The following MLLT3 variants were observed in gnomAD, a reference collection of about 807,000 sequenced individuals.
The protein encoded by MLLT3 is MLLT3 super elongation complex subunit, also known as protein AF-9.
In MLLT3, 4 loss-of-function variants were observed where a neutral mutation model predicts 53.2. The observed-to-expected ratio is 0.08, with a 90% CI of 0.04 to 0.17. MLLT3 has a LOEUF of 0.17. Ranked by LOEUF, MLLT3 falls within the 10% of genes least tolerant of loss-of-function variation. The probability of loss-of-function intolerance (pLI) is 1.00; values close to 1 mark genes in which losing one functional copy is unlikely to be tolerated. For missense variants in MLLT3, 569 were observed against 684.0 expected (o/e 0.83, Z 1.87); for synonymous variants, 283 against 230.6 (o/e 1.23, Z -2.06).
chr9:20,490,389 G>T lies in MLLT3; in HGVS notation c.194-33603C>A, dbSNP rs146198793. Among the ~76,000 whole-genome samples, 536 of 152,368 alleles carry T rather than the reference G, an allele frequency of 3.5e-3. 3 individuals carry two copies. The highest frequency in any genetic ancestry group is 0.011 in the African/African-American group (460 of 41,588). On this transcript the variant is annotated intron_variant, in intron 2 of 10. Coordinates refer to ENST00000380338, the MANE Select transcript of MLLT3 (RefSeq NM_004529.4). ...AGTCAGAGAGATTCTAGCATGAGAA[G>T]AATTTGTCACGCCATTGCTGGCTTT...
intron 2 of MLLT3, among the ~76,000 whole-genome samples, chr9:20,602,097 T>G (rs1341140094): frequency 6.6e-6 from 1 of 152,176 alleles, no homozygotes; most frequent in African/African-American, 2.4e-5. Flanking sequence ...CTGTGGTGGG[T>G]TCTTCCCCCT....
Position 20,599,319 on chromosome 9 carries a change from A to G in MLLT3, c.193+21335T>C, listed in dbSNP as rs895755351. Among the ~76,000 whole-genome samples the G allele has an allele frequency of 1.4e-4, 22 of 152,070 alleles. 1 individual carries two copies. The highest frequency in any genetic ancestry group is 3.9e-4 in the Admixed American group (6 of 15,260). ...ACTCTGTCTCCAAAAAAAAAAAAAA[A>G]AGAGAATTTTCTTTGAGTATCATGC... On this transcript the variant is annotated intron_variant, in intron 2 of 10. Transcript: ENST00000380338.
intron 2 of MLLT3, among the ~76,000 whole-genome samples, chr9:20,476,348 A>T (rs1182907970): frequency 2.0e-5 from 3 of 152,122 alleles, no homozygotes; most frequent in African/African-American, 7.2e-5. Context: ...ACTTGTATAC[A>T]GAGACCCTGA....
At chr9:20,439,234 T>C (rs1383543726) in intron 4 of MLLT3, among the ~76,000 whole-genome samples, 1 of 152,016 alleles carries the variant, frequency 6.6e-6, no homozygotes, top group African/African-American at 2.4e-5. Flanking sequence ...CGTACATCTG[T>C]AGTCCCAGCT....
In MLLT3 at chr9:20,521,938, A is replaced by G. The variant is rs148910236; in HGVS notation, c.194-65152T>C. ...GAATGAAGAAGAAAACAAGAAATGT[A>G]ATAGGAACTAAAGGGAGACAGCACG... is the stretch of plus-strand genomic sequence containing the variant. On this transcript the variant is annotated intron_variant, in intron 2 of 10. Coordinates refer to ENST00000380338, the MANE Select transcript of MLLT3 (RefSeq NM_004529.4). Among the ~76,000 whole-genome samples, 25 of 152,320 alleles carry G rather than the reference A, an allele frequency of 1.6e-4. No individual in the cohort carries two copies. In the Middle Eastern group the frequency reaches 0.01, roughly 62 times the overall value.
intron 2 of MLLT3, among the ~76,000 whole-genome samples, chr9:20,613,428 G>A (rs923945705): frequency 2.6e-5 from 4 of 152,192 alleles, no homozygotes; most frequent in African/African-American, 7.2e-5. Context: ...AGGGTTGGAA[G>A]AAAAGGCTGG....
At chr9:20,500,335 C>T (rs907908353) in intron 2 of MLLT3, among the ~76,000 whole-genome samples, 11 of 152,216 alleles carry the variant, frequency 7.2e-5, no homozygotes, top group African/African-American at 2.4e-4. Context: ...GGTTTCACAA[C>T]TGAACACCGT....
chr9:20,411,149 G>C (rs1464714748), intron 5 of MLLT3: 2 of 152,514 alleles, frequency 1.3e-5, no homozygotes, highest in Non-Finnish European at 2.9e-5. Context: ...TACTAGCCAA[G>C]GTAACAGGGG....
intron 2 of MLLT3, among the ~76,000 whole-genome samples, chr9:20,594,184 G>A (rs970732757): frequency 1.8e-4 from 27 of 151,884 alleles, no homozygotes. Context: ...CAAATGATCC[G>A]CCTACCTCGG....
At chr9:20,522,200 AACAAGTTCCATAGAGAAG>A (rs1359598730) in intron 2 of MLLT3, among the ~76,000 whole-genome samples, 1 of 152,008 alleles carries the variant, frequency 6.6e-6, no homozygotes, top group Non-Finnish European at 1.5e-5. Flanking sequence ...GTAGTACAGA[AACAAGTTCCATAGAGAAG>A]ACTGTTAGGT....
chr9:20,357,979 G>GCACACA (rs1491136011), intron 8 of MLLT3, among the ~76,000 whole-genome samples: 3,772 of 137,752 alleles, frequency 0.027, 112 homozygotes, highest in African/African-American at 0.072. Context: ...CCTCCCTCCT[G>GCACACA]CGCACACACA....
chr9:20,366,392 G>A (rs1821451951), intron 5 of MLLT3, among the ~76,000 whole-genome samples: 1 of 152,124 alleles, frequency 6.6e-6, no homozygotes, highest in Non-Finnish European at 1.5e-5. Flanking sequence ...TTTTATGGCT[G>A]CATAGTATTT....
intron 2 of MLLT3, among the ~76,000 whole-genome samples, chr9:20,505,993 G>C (rs1475368300): frequency 1.3e-5 from 2 of 152,046 alleles, no homozygotes; most frequent in Non-Finnish European, 1.5e-5. Flanking sequence ...TTTCTGTCTT[G>C]CTATGTCTGA....
chr9:20,612,373 C>T (rs1408535868), intron 2 of MLLT3, among the ~76,000 whole-genome samples: 1 of 152,166 alleles, frequency 6.6e-6, no homozygotes, highest in South Asian at 2.1e-4. Context: ...CAGTCTTTCA[C>T]TGTATCCTAC....
intron 5 of MLLT3, among the ~76,000 whole-genome samples, chr9:20,375,225 A>G (rs1821728702): frequency 6.6e-6 from 1 of 152,240 alleles, no homozygotes; most frequent in Non-Finnish European, 1.5e-5. Context: ...ACTGAAGCAC[A>G]CAGTAAGATT....
At chr9:20,354,447 G>A (rs976094052) in intron 9 of MLLT3, among the ~76,000 whole-genome samples, 3 of 152,162 alleles carry the variant, frequency 2.0e-5, no homozygotes, top group East Asian at 3.9e-4. Context: ...GAAGCATGAC[G>A]CACACTCTGG....
intron 2 of MLLT3, among the ~76,000 whole-genome samples, chr9:20,529,438 CA>C (rs1281694991): frequency 1.3e-5 from 2 of 152,004 alleles, no homozygotes; most frequent in Non-Finnish European, 2.9e-5. Context: ...CACTTTTAGC[CA>C]AATCAGAGTA....
chr9:20,520,714 G>A (rs1167533091), intron 2 of MLLT3, among the ~76,000 whole-genome samples: 2 of 152,180 alleles, frequency 1.3e-5, no homozygotes, highest in Non-Finnish European at 2.9e-5. Flanking sequence ...TCTTCAATTA[G>A]GAGCACAAGT....
intron 3 of MLLT3, among the ~76,000 whole-genome samples, chr9:20,451,083 A>G (rs1440224720): frequency 2.0e-5 from 3 of 152,344 alleles, no homozygotes; most frequent in East Asian, 1.9e-4. Context: ...TCATTACCAC[A>G]TAACACCATT....
Sources: gnomAD v4.1 joint callset for allele counts (sites outside exome capture counted in the v4.1 genomes callset) on GRCh38, gnomAD v4.1.1 for gene constraint, MANE v1.5 for transcripts, NCBI Gene and HGNC (gene_info 2026-07-23, HGNC 2026-07-21) for gene names.